Variants in BCL2 observed in about 807,000 individuals in gnomAD.
BCL2 encodes the protein BCL2 apoptosis regulator.
A neutral mutation model predicts 14.2 loss-of-function variants in BCL2; 1 was observed. The ratio of observed to expected loss-of-function variants is 0.07; its 90% CI spans 0.02 to 0.33. The LOEUF (loss-of-function observed/expected upper bound fraction) is 0.33. Among genes scored for constraint, BCL2 ranks in the 10% least tolerant of loss-of-function variants. BCL2 has a pLI of 0.99. For synonymous variants in BCL2, 151 were observed against 137.2 expected, an observed-to-expected ratio of 1.10 and a Z score of -0.70; for missense variants, 247 against 305.9, an observed-to-expected ratio of 0.81 and a Z score of 1.44.
At position 63,295,873 on chromosome 18, in the gene BCL2, C is replaced by G. The variant is rs573778057; in HGVS notation, c.585+22209G>C. ...TAAACCCAGTCTCAGGATTTTCTGA[C>G]AGGTGGGATCCACCAACCTTGCTCC... On this transcript the variant is annotated intron_variant, in intron 2 of 2. Transcript: ENST00000333681. Among the ~76,000 whole-genome samples the G allele has an allele frequency of 1.4e-4, 22 of 152,282 alleles. 1 individual carries two copies. In the South Asian group the frequency reaches 4.6e-3, roughly 32 times the overall value.
At chr18:63,235,574 C>T (rs1422488225) in intron 2 of BCL2, among the ~76,000 whole-genome samples, 1 of 151,252 alleles carries the variant, frequency 6.6e-6, no homozygotes, top group Non-Finnish European at 1.5e-5. Context: ...TAAGGATACA[C>T]ACATGTGAAA....
intron 2 of BCL2, among the ~76,000 whole-genome samples, chr18:63,160,328 C>T (rs2144618033): frequency 6.6e-6 from 1 of 152,328 alleles, no homozygotes; most frequent in Non-Finnish European, 1.5e-5. Flanking sequence ...TAGCGACAGG[C>T]ACGTGGGCCC....
rs536526324 is a variant in BCL2 at position 63,317,951 on chromosome 18, G to A, written c.585+131C>T. The A allele has an allele frequency of 2.7e-5, 40 of 1,476,166 alleles. No homozygotes were observed. The East Asian group carries it at 8.4e-4, about 31-fold the overall frequency. 91.4% of individuals were successfully genotyped at this position (1,476,166 alleles called of 1,614,324 possible). Reference sequence around the variant, plus strand: ...TCCAGAGGAGGAGGTAGGGACGCCGGGAAGCAACAACTCTGATTTTATTTC... The same window carrying A: ...TCCAGAGGAGGAGGTAGGGACGCCGAGAAGCAACAACTCTGATTTTATTTC... On this transcript the variant is annotated intron_variant, in intron 2 of 2. Coordinates refer to ENST00000333681, the MANE Select transcript of BCL2 (RefSeq NM_000633.3).
chr18:63,145,476 C>T (rs758412961), intron 2 of BCL2, among the ~76,000 whole-genome samples: 1 of 152,240 alleles, frequency 6.6e-6, no homozygotes, highest in Admixed American at 6.5e-5. Flanking sequence ...CCTGGAGGCA[C>T]CCCTCGTGAC....
chr18:63,305,620 C>T (rs939282106), intron 2 of BCL2, among the ~76,000 whole-genome samples: 1 of 151,756 alleles, frequency 6.6e-6, no homozygotes, highest in African/African-American at 2.4e-5. Flanking sequence ...TTTTTTCACC[C>T]GGAAAAAAAT....
chr18:63,150,269 G>A (rs184203699), intron 2 of BCL2, among the ~76,000 whole-genome samples: 2,028 of 146,656 alleles, frequency 0.014, 50 homozygotes, highest in African/African-American at 0.048. Flanking sequence ...GCCTGAAAAC[G>A]AAAGAAAGAG....
chr18:63,305,586 G>A (rs904662133), intron 2 of BCL2, among the ~76,000 whole-genome samples: 6 of 151,988 alleles, frequency 3.9e-5, no homozygotes, highest in African/African-American at 9.7e-5. Flanking sequence ...AAAATCCTAC[G>A]TAAAGGCAAG....
intron 2 of BCL2, among the ~76,000 whole-genome samples, chr18:63,214,674 C>T (rs1368915264): frequency 6.6e-6 from 1 of 151,762 alleles, no homozygotes; most frequent in Non-Finnish European, 1.5e-5. Context: ...ATTTCGGGCC[C>T]TAAGGCTCAT....
rs1346936861 is a variant in BCL2, at chr18:63,229,364, GC to G, written c.585+88717del. Among the ~76,000 whole-genome samples the G allele has an allele frequency of 5.3e-5, 8 of 152,292 alleles. No individual in the cohort carries two copies. In the East Asian group the frequency reaches 1.5e-3, roughly 29 times the overall value. On this transcript the variant is annotated intron_variant, in intron 2 of 2. Transcript: ENST00000333681. The stretch of plus-strand genomic sequence containing the variant: ...TTAGGTGGTGTGATTGTGTGCCTTT[GC>G]ATTTAGAATGAAGTCCTCTGTTATT...
rs4987850 is a variant in BCL2, at chr18:63,127,283, C to T, written c.*1342G>A. On this transcript the variant is annotated 3_prime_UTR_variant, in exon 3 of 3. Coordinates refer to ENST00000333681, the MANE Select transcript of BCL2 (RefSeq NM_000633.3). ...AGGTGGGCCAAGGCCACACAGCCAA[C>T]GTGCCATGTGCTACAGCCAAAATGG... The T allele has an allele frequency of 0.014, 3,174 of 231,376 alleles. 85 individuals are homozygous for T. The highest frequency in any genetic ancestry group is 0.06 in the African/African-American group (2,704 of 45,314). The allele number at this position is 231,376 out of a possible 1,614,324, so 14.3% of individuals were successfully genotyped here. A position where few individuals can be genotyped will look rare whatever the true frequency, so the allele number is the denominator to read the frequency against.
intron 2 of BCL2, among the ~76,000 whole-genome samples, chr18:63,304,966 C>T (rs1489636955): frequency 6.6e-6 from 1 of 152,208 alleles, no homozygotes; most frequent in East Asian, 1.9e-4. Context: ...TTCCAATTGG[C>T]CCCTGTTGAA....
At chr18:63,195,926 T>C (rs973627166) in intron 2 of BCL2, among the ~76,000 whole-genome samples, 4 of 152,202 alleles carry the variant, frequency 2.6e-5, no homozygotes, top group African/African-American at 9.6e-5. Flanking sequence ...ACCATAATTA[T>C]AGCCCAGAGA....
chr18:63,190,732 T>C (rs557576514), intron 2 of BCL2, among the ~76,000 whole-genome samples: 21 of 152,166 alleles, frequency 1.4e-4, no homozygotes, highest in African/African-American at 5.1e-4. Flanking sequence ...GGGATACATG[T>C]GCACCATGTA....
Position 63,139,882 on chromosome 18 carries a change from A to T in BCL2, c.586-11123T>A, listed in dbSNP as rs138259755. Among the ~76,000 whole-genome samples the T allele has an allele frequency of 2.7e-3, 409 of 152,338 alleles. 3 individuals carry two copies. Among genetic ancestry groups the T allele is most frequent in the Admixed American group, 4.7e-3 (72 of 15,298 alleles). On this transcript the variant is annotated intron_variant, in intron 2 of 2. Transcript: ENST00000333681. ...GTATCAAGCATAAAGTGACAAACTT[A>T]ACACTTTTATGATATTGTGTTGGAC...
At position 63,193,578 on chromosome 18, in the gene BCL2, A is replaced by ATG. The variant is rs199892771; in HGVS notation, c.586-64821_586-64820dup. Among the ~76,000 whole-genome samples the ATG allele has an allele frequency of 1.6e-4, 21 of 133,012 alleles. No individual in the cohort carries two copies. The South Asian group carries it at 2.1e-3, about 13-fold the overall frequency. 87.3% of individuals were successfully genotyped at this position (133,012 alleles called of 152,430 possible). The stretch of plus-strand genomic sequence containing the variant: ...GAAAATATTCTTAAGGCGGAGTAGT[A>ATG]TGTATGTGTGTGTGTGTGTGTGTGT... On this transcript the variant is annotated intron_variant, in intron 2 of 2. Transcript: ENST00000333681.
rs2144326885 is a variant in BCL2 at position 63,318,739 on chromosome 18, A to G, written c.-73T>C. On this transcript the variant is annotated 5_prime_UTR_variant, in exon 2 of 3. Coordinates refer to ENST00000333681, the MANE Select transcript of BCL2 (RefSeq NM_000633.3). This position sits in a 1 kb window ranked among gnomAD's most constrained non-coding sequence, Gnocchi z 7.4. ...GCTCCCACCCCACGGCCCCCAGAGAAAGAAGAGGAGTTATAATCCAGCTAT... is the reference window on the plus strand; with the variant it reads ...GCTCCCACCCCACGGCCCCCAGAGAGAGAAGAGGAGTTATAATCCAGCTAT... The G allele has an allele frequency of 6.2e-7, 1 of 1,600,490 alleles. No individual in the cohort carries two copies. Among genetic ancestry groups the G allele is most frequent in the African/African-American group, 1.3e-5 (1 of 74,388 alleles).
At chr18:63,176,103 C>A (rs1272081871) in intron 2 of BCL2, among the ~76,000 whole-genome samples, 3 of 152,234 alleles carry the variant, frequency 2.0e-5, no homozygotes, top group Non-Finnish European at 2.9e-5. Context: ...CTGTTCTGTT[C>A]GCTCTGGTCA....
chr18:63,285,328 T>A (rs1374145643), intron 2 of BCL2, among the ~76,000 whole-genome samples: 1 of 152,132 alleles, frequency 6.6e-6, no homozygotes, highest in Admixed American at 6.5e-5. Flanking sequence ...AAAATGTCAG[T>A]AGGGGCTCTG....
intron 2 of BCL2, among the ~76,000 whole-genome samples, chr18:63,165,011 T>C (rs1915009580): frequency 6.6e-6 from 1 of 152,246 alleles, no homozygotes; most frequent in Non-Finnish European, 1.5e-5. Context: ...GCATGGCACA[T>C]GTATACATAT....
Sources: gnomAD v4.1 joint callset for allele counts (sites outside exome capture counted in the v4.1 genomes callset) on GRCh38, gnomAD v4.1.1 for gene constraint, Gnocchi (gnomAD v3.1) non-coding constraint, MANE v1.5 for transcripts, NCBI Gene and HGNC (gene_info 2026-07-23, HGNC 2026-07-21) for gene names.